Variants in ODR4 observed in about 807,000 individuals in gnomAD.
ODR4 encodes the protein protein odr-4 homolog.
In ODR4, 47 loss-of-function variants were observed where a neutral mutation model predicts 60.2. The ratio of observed to expected loss-of-function variants is 0.78; its 90% CI spans 0.62 to 1.00. ODR4 has a LOEUF of 1.00. Ranked by LOEUF, ODR4 falls within the 50% of genes least tolerant of loss-of-function variation. The pLI is 0.00. For missense variants in ODR4, 488 were observed against 530.8 expected (o/e 0.92, Z 0.79); for synonymous variants, 178 against 175.5 (o/e 1.01, Z -0.11).
the ODR4 span, among the ~76,000 whole-genome samples, chr1:186,428,988 A>T: frequency 1.3e-5 from 2 of 152,184 alleles, no homozygotes; most frequent in African/African-American, 4.8e-5. Flanking sequence ...TCATTCCTAT[A>T]ATCCGAGCAC....
chr1:186,399,415 C>T (rs554836298), intron 11 of ODR4, among the ~76,000 whole-genome samples: 1 of 152,134 alleles, frequency 6.6e-6, no homozygotes, highest in African/African-American at 2.4e-5. Context: ...TGCCATGTTG[C>T]CCAGGCTAGT....
At chr1:186,387,143 T>A (rs778272902) in intron 4 of ODR4, among the ~76,000 whole-genome samples, 1 of 152,198 alleles carries the variant, frequency 6.6e-6, no homozygotes, top group Non-Finnish European at 1.5e-5. Context: ...GAACTTCAGA[T>A]GTTACAGATT....
chr1:186,398,651 A>T (rs538815790), intron 10 of ODR4, among the ~76,000 whole-genome samples: 64 of 152,300 alleles, frequency 4.2e-4, no homozygotes, highest in Non-Finnish European at 7.4e-5. Context: ...TGATGGCTAT[A>T]CAAGTTTAGT....
At chr1:186,405,740 CG>C (rs1661147185) in intron 11 of ODR4, among the ~76,000 whole-genome samples, 1 of 151,872 alleles carries the variant, frequency 6.6e-6, no homozygotes, top group South Asian at 2.1e-4. Context: ...TTAGTAGAAA[CG>C]GGGTTTCACC....
At chr1:186,386,788 TCTC>T (rs1660267932) in intron 4 of ODR4, among the ~76,000 whole-genome samples, 1 of 152,170 alleles carries the variant, frequency 6.6e-6, no homozygotes, top group Non-Finnish European at 1.5e-5. Context: ...TTTACCTTCT[TCTC>T]AATTCTCCGG....
At chr1:186,398,576 A>C (rs1660789131) in intron 10 of ODR4, 135 bp downstream of exon 10, 1 of 847,490 alleles carries the variant, frequency 1.2e-6, no homozygotes, top group Non-Finnish European at 1.7e-6. Context: ...TGCAGTCCAA[A>C]TGTACCATAT....
chr1:186,396,225 A>G (rs1660664599), intron 9 of ODR4, among the ~76,000 whole-genome samples: 1 of 152,200 alleles, frequency 6.6e-6, no homozygotes. Context: ...GTTATTCCTA[A>G]GTCCAAATAA....
intron 3 of ODR4, among the ~76,000 whole-genome samples, chr1:186,383,866 C>T (rs886775179): frequency 3.3e-5 from 5 of 151,848 alleles, no homozygotes; most frequent in African/African-American, 1.2e-4. Context: ...GGTGAAACCC[C>T]GTCTCTAGTA....
chr1:186,378,149 C>G (rs990071294), intron 1 of ODR4, among the ~76,000 whole-genome samples: 1 of 152,102 alleles, frequency 6.6e-6, no homozygotes, highest in South Asian at 2.1e-4. Context: ...TAGGACATTT[C>G]AGACTTGAAT....
intron 11 of ODR4, among the ~76,000 whole-genome samples, chr1:186,403,899 C>T (rs1018733377): frequency 1.3e-5 from 2 of 152,136 alleles, no homozygotes; most frequent in Non-Finnish European, 2.9e-5. Flanking sequence ...CACTGTCTTC[C>T]CAGAACATTT....
At chr1:186,398,852 C>A in intron 10 of ODR4, 102 bp from the exon 11 acceptor site, 2 of 712,728 alleles carry the variant, frequency 2.8e-6, no homozygotes, top group Non-Finnish European at 4.5e-6. Flanking sequence ...ATTTAGTGGG[C>A]ATGATTGTAC....
the ODR4 span, among the ~76,000 whole-genome samples, chr1:186,427,713 GA>G: frequency 1.7e-4 from 26 of 152,118 alleles, no homozygotes; most frequent in African/African-American, 6.0e-4. Context: ...TCCATCAGAG[GA>G]ATCACTATCT....
At position 186,398,361 on chromosome 1, in the gene ODR4, G is replaced by T; in HGVS notation, c.829G>T (p.Gly277Cys). ...CACAGCCACAGTCCAGATATGTAGC[G>T]GTTCTGTAAACCTTAAGGGTGCTGT... ...RSTATVQICS[G>C]SVNLKGAVKC... The change falls in exon 10 of 14, where the codon GGT becomes TGT. Residue 277 changes from glycine (G) to cysteine (C), a missense_variant. Gly to Cys is a radical substitution (Grantham distance 159, BLOSUM62 -3). Transcript: ENST00000287859. 1 of 1,610,772 alleles carries T rather than the reference G, an allele frequency of 6.2e-7. No individual in the cohort carries two copies. The highest frequency in any genetic ancestry group is 8.5e-7 in the Non-Finnish European group (1 of 1,178,170).
chr1:186,422,688 A>G (rs1558108949), downstream of ODR4, among the ~76,000 whole-genome samples: 1 of 152,192 alleles, frequency 6.6e-6, no homozygotes, highest in African/African-American at 2.4e-5. Context: ...AAGCCTAGTT[A>G]CAAGTAATAT....
At chr1:186,416,074 AT>A (rs921131605) in intron 12 of ODR4, among the ~76,000 whole-genome samples, 141 of 148,148 alleles carry the variant, frequency 9.5e-4, no homozygotes, top group African/African-American at 2.7e-3. Flanking sequence ...TCTTTTTCAC[AT>A]TTTTTTTTTA....
At chr1:186,422,025 G>A (rs6688122), downstream of ODR4, among the ~76,000 whole-genome samples, 2,762 of 151,972 alleles carry the variant, frequency 0.018, 78 homozygotes, top group African/African-American at 0.063. Context: ...ATATTAAAAT[G>A]AATATGAATA....
At chr1:186,401,732 T>C (rs1660962685) in intron 11 of ODR4, among the ~76,000 whole-genome samples, 1 of 152,106 alleles carries the variant, frequency 6.6e-6, no homozygotes, top group Admixed American at 6.5e-5. Context: ...TGTATTATCT[T>C]TTTGATGTAC....
In ODR4 at chr1:186,382,747, C is replaced by A. The variant is rs1372952022; in HGVS notation, c.100-275C>A. ...TCATCCAGTAAACCATTTTTAGGGA[C>A]CACTCCATGATTTACATTTGAGTTG... is the stretch of plus-strand genomic sequence containing the variant. On this transcript the variant is annotated intron_variant, in intron 2 of 13. Transcript: ENST00000287859. 2.6e-5 allele frequency among the ~76,000 whole-genome samples: 4 copies of A among 152,094 alleles called. No individual in the cohort carries two copies. In the East Asian group the frequency reaches 5.8e-4, roughly 22 times the overall value.
intron 13 of ODR4, among the ~76,000 whole-genome samples, chr1:186,418,412 T>A (rs888862728): frequency 6.6e-6 from 1 of 151,110 alleles, no homozygotes; most frequent in Non-Finnish European, 1.5e-5. Context: ...TGCCTCAGCC[T>A]CCCGAGTAGC....
Sources: allele counts gnomAD v4.1 joint callset (sites outside exome capture counted in the v4.1 genomes callset), GRCh38; gene constraint gnomAD v4.1.1; transcripts MANE v1.5; gene names NCBI Gene and HGNC (gene_info 2026-07-23, HGNC 2026-07-21).